Variants in CNTN5 observed in about 807,000 individuals in gnomAD.
The protein encoded by CNTN5 is contactin-5.
In CNTN5, 77 loss-of-function variants were observed where a neutral mutation model predicts 129.1. The observed-to-expected ratio is 0.60, with a 90% CI of 0.50 to 0.72. The LOEUF is 0.72. Among genes scored for constraint, CNTN5 ranks in the 30% least tolerant of loss-of-function variants. CNTN5 has a pLI of 0.00. For synonymous variants in CNTN5, 509 were observed against 465.6 expected (o/e 1.09, Z -1.20); for missense variants, 1,478 against 1,328.8 (o/e 1.11, Z -1.75).
intron 3 of CNTN5, among the ~76,000 whole-genome samples, chr11:99,711,821 T>C (rs1290904406): frequency 6.6e-6 from 1 of 152,100 alleles, no homozygotes; most frequent in Non-Finnish European, 1.5e-5. Flanking sequence ...TCATCCTTTT[T>C]TAAGGCTGCG....
At chr11:99,876,473 T>C (rs763490476) in intron 6 of CNTN5, among the ~76,000 whole-genome samples, 60 of 152,184 alleles carry the variant, frequency 3.9e-4, no homozygotes, top group Non-Finnish European at 6.0e-4. Flanking sequence ...ATTTAGCTTC[T>C]TTCTCATGAT....
chr11:99,403,147 C>T (rs1591631832), intron 2 of CNTN5, among the ~76,000 whole-genome samples: 1 of 150,622 alleles, frequency 6.6e-6, no homozygotes, highest in Non-Finnish European at 1.5e-5. Context: ...GCTGGGACTA[C>T]AGGCGCCTAC....
At chr11:99,401,663 G>A (rs1161416601) in intron 2 of CNTN5, among the ~76,000 whole-genome samples, 1 of 152,102 alleles carries the variant, frequency 6.6e-6, no homozygotes, top group Admixed American at 6.5e-5. Context: ...TCTGTAGATT[G>A]CTGTGGGTAG....
chr11:99,826,092 C>T (rs545020051), intron 4 of CNTN5, among the ~76,000 whole-genome samples: 174 of 151,916 alleles, frequency 1.1e-3, no homozygotes, highest in Non-Finnish European at 2.2e-3. Flanking sequence ...TTTTAAAGTC[C>T]TGATAGATAT....
chr11:99,607,387 A>C (rs532354388), intron 3 of CNTN5, among the ~76,000 whole-genome samples: 158 of 148,504 alleles, frequency 1.1e-3, no homozygotes, highest in Non-Finnish European at 1.8e-3. Context: ...TGCAAATCAA[A>C]ACCACTGTGA....
At chr11:99,329,330 A>G (rs1203436316) in intron 2 of CNTN5, among the ~76,000 whole-genome samples, 3 of 152,220 alleles carry the variant, frequency 2.0e-5, no homozygotes, top group Non-Finnish European at 4.4e-5. Context: ...TATGCAAAAT[A>G]TCTCCTATAT....
chr11:99,994,130 T>A (rs2137428986), intron 8 of CNTN5, among the ~76,000 whole-genome samples: 1 of 151,376 alleles, frequency 6.6e-6, no homozygotes, highest in African/African-American at 2.4e-5. Flanking sequence ...CTATCAGAAG[T>A]ACCCATCCTT....
At chr11:99,532,574 C>CA (rs1341417553) in intron 2 of CNTN5, among the ~76,000 whole-genome samples, 1 of 152,128 alleles carries the variant, frequency 6.6e-6, no homozygotes, top group Non-Finnish European at 1.5e-5. Context: ...CCAGAATACT[C>CA]ACATGTTGTG....
intron 2 of CNTN5, among the ~76,000 whole-genome samples, chr11:99,466,209 A>G (rs1159550315): frequency 2.0e-5 from 3 of 151,888 alleles, no homozygotes; most frequent in African/African-American, 7.3e-5. Flanking sequence ...ACCATATCAC[A>G]TGAGAACTCA....
chr11:99,117,045 T>A (rs2135397112), intron 1 of CNTN5, among the ~76,000 whole-genome samples: 1 of 152,004 alleles, frequency 6.6e-6, no homozygotes, highest in Admixed American at 6.5e-5. Context: ...AGATAAATAG[T>A]AAAAGAGGTG....
chr11:99,169,981 A>G (rs1333654081), intron 1 of CNTN5, among the ~76,000 whole-genome samples: 1 of 152,184 alleles, frequency 6.6e-6, no homozygotes, highest in Non-Finnish European at 1.5e-5. Context: ...TTAATAGTCA[A>G]TGGGAATTTG....
chr11:99,572,683 A>G (rs888545990), intron 3 of CNTN5, among the ~76,000 whole-genome samples: 2 of 152,162 alleles, frequency 1.3e-5, no homozygotes, highest in African/African-American at 4.8e-5. Flanking sequence ...TTGTCCATAG[A>G]TCTATTATAC....
chr11:99,922,329 T>A (rs531258858), intron 7 of CNTN5, among the ~76,000 whole-genome samples: 1 of 152,256 alleles, frequency 6.6e-6, no homozygotes, highest in African/African-American at 2.4e-5. Context: ...CACGTAGGGA[T>A]TATGAAAGCT....
At chr11:99,189,631 G>A (rs1368964711) in intron 1 of CNTN5, among the ~76,000 whole-genome samples, 1 of 151,560 alleles carries the variant, frequency 6.6e-6, no homozygotes, top group African/African-American at 2.4e-5. Context: ...CTGATGATTA[G>A]TTACATTTCT....
At chr11:99,439,162 G>T (rs1943714971) in intron 2 of CNTN5, among the ~76,000 whole-genome samples, 1 of 152,024 alleles carries the variant, frequency 6.6e-6, no homozygotes, top group Non-Finnish European at 1.5e-5. Context: ...AAGGCCAAAG[G>T]CAAAAACAAA....
intron 3 of CNTN5, among the ~76,000 whole-genome samples, chr11:99,735,845 T>C (rs1822029337): frequency 6.6e-6 from 1 of 152,172 alleles, no homozygotes; most frequent in South Asian, 2.1e-4. Context: ...CAATACGGTA[T>C]TGTTAACTAC....
chr11:100,310,773 C>T (rs1951454956), intron 21 of CNTN5, among the ~76,000 whole-genome samples: 1 of 151,850 alleles, frequency 6.6e-6, no homozygotes, highest in African/African-American at 2.4e-5. Context: ...TGAGTAGAGA[C>T]ATGATGTAAT....
intron 3 of CNTN5, among the ~76,000 whole-genome samples, chr11:99,602,129 T>C (rs1280162768): frequency 6.6e-6 from 1 of 152,018 alleles, no homozygotes; most frequent in Non-Finnish European, 1.5e-5. Flanking sequence ...TAGATACAAA[T>C]CATGTAGATT....
intron 18 of CNTN5, among the ~76,000 whole-genome samples, chr11:100,283,320 C>G (rs1950682930): frequency 6.6e-6 from 1 of 152,130 alleles, no homozygotes; most frequent in Non-Finnish European, 1.5e-5. Flanking sequence ...AAAGTTCTCC[C>G]CACTCTTCCT....
Sources: allele counts gnomAD v4.1 joint callset (sites outside exome capture counted in the v4.1 genomes callset), GRCh38; gene constraint gnomAD v4.1.1; transcripts MANE v1.5; gene names NCBI Gene and HGNC (gene_info 2026-07-23, HGNC 2026-07-21).